TUBAL3: variants seen among roughly 807,000 people sequenced by gnomAD.
TUBAL3 encodes the protein tubulin alpha chain-like 3.
TUBAL3 carries 16 observed loss-of-function variants against 15.5 expected under a neutral mutation model. The observed-to-expected ratio is 1.04, with a 90% CI of 0.70 to 1.57. The LOEUF is 1.57. TUBAL3 is among the 40% of genes most tolerant of loss of function. The pLI, the probability that TUBAL3 is intolerant of heterozygous loss-of-function variation, is 0.00. For synonymous variants in TUBAL3, 238 were observed against 224.3 expected (o/e 1.06, Z -0.55); for missense variants, 609 against 576.2 (o/e 1.06, Z -0.58).
chr10:5,404,441 G>A (rs904325200), intron 1 of TUBAL3, among the ~76,000 whole-genome samples: 1 of 152,166 alleles, frequency 6.6e-6, no homozygotes. Context: ...ACAGCCTAAC[G>A]AAAAGTGAAG....
In TUBAL3 at chr10:5,399,591, A is replaced by G. The variant is rs1453458378; in HGVS notation, c.247+1253T>C. ...AATACAGCAGTCCGAGTTGACCAAG[A>G]CAGGCATCTTCACGTCGAAGGCAAA... On this transcript the variant is annotated intron_variant, in intron 2 of 3. Transcript: ENST00000380419. Among the ~76,000 whole-genome samples the G allele has an allele frequency of 1.1e-4, 16 of 152,206 alleles. 1 individual carries two copies. Among genetic ancestry groups the G allele is most frequent in the Admixed American group, 1.0e-3 (16 of 15,286 alleles).
In TUBAL3 at chr10:5,395,600, G is replaced by C. The variant is rs1421248916; in HGVS notation, c.248-125C>G. The C allele has an allele frequency of 5.4e-6, 6 of 1,118,290 alleles. No homozygotes were observed. In the African/African-American group the frequency reaches 9.6e-5, roughly 18 times the overall value. The allele number at this position is 1,118,290 out of a possible 1,614,324, so 69.3% of individuals were successfully genotyped here. On this transcript the variant is annotated intron_variant, in intron 2 of 3. Transcript: ENST00000380419. The surrounding 1 kb of genome is among the most constrained non-coding windows in gnomAD (Gnocchi z 4.6). ...GCTTTCTCTCAATATTGTGGTCCAG[G>C]AATGGAATTTAGATAGTGCTGAATT...
At position 5,397,327 on chromosome 10, in the gene TUBAL3, C is replaced by T. The variant is rs1239967163; in HGVS notation, c.248-1852G>A. 6.6e-6 allele frequency among the ~76,000 whole-genome samples: 1 copy of T among 152,160 alleles called. No individual in the cohort carries two copies. Among genetic ancestry groups the T allele is most frequent in the Non-Finnish European group, 1.5e-5 (1 of 68,040 alleles). On this transcript the variant is annotated intron_variant, in intron 2 of 3. Transcript: ENST00000380419. The surrounding 1 kb of genome is among the most constrained non-coding windows in gnomAD (Gnocchi z 4.9). The stretch of plus-strand genomic sequence containing the variant: ...AAATAACTTTTAACTAGCTTACACA[C>T]AAACCTCCCCCAGAGCTAGGATGTT...
Position 5,396,373 on chromosome 10 carries a change from G to A in TUBAL3, c.248-898C>T, listed in dbSNP as rs1554814166. 2.0e-5 allele frequency among the ~76,000 whole-genome samples: 3 copies of A among 152,052 alleles called. No homozygotes were observed. The highest frequency in any genetic ancestry group is 4.4e-5 in the Non-Finnish European group (3 of 68,014). On this transcript the variant is annotated intron_variant, in intron 2 of 3. Transcript: ENST00000380419. This position sits in a 1 kb window ranked among gnomAD's most constrained non-coding sequence, Gnocchi z 5.1. ...AAGTACAGAAAATTAGCCAGGCATGGTGGTGGGTGCCTGTAATCCCAGCTA... is the reference window on the plus strand; with the variant it reads ...AAGTACAGAAAATTAGCCAGGCATGATGGTGGGTGCCTGTAATCCCAGCTA...
chr10:5,398,939 G>A (rs1659802219), intron 2 of TUBAL3, among the ~76,000 whole-genome samples: 1 of 152,076 alleles, frequency 6.6e-6, no homozygotes, highest in African/African-American at 2.4e-5. Flanking sequence ...TTAAAAAATA[G>A]TCATATACTG....
At chr10:5,401,137 G>A (rs1831846015) in intron 1 of TUBAL3, 50 bp from the exon 2 acceptor site, 1 of 1,601,914 alleles carries the variant, frequency 6.2e-7, no homozygotes, top group Non-Finnish European at 8.5e-7. Flanking sequence ...TAGAAAACAG[G>A]AGATCTGTTA....
chr10:5,393,104 T>C lies in TUBAL3; in HGVS notation c.*413A>G, dbSNP rs1423899176. On this transcript the variant is annotated 3_prime_UTR_variant, in exon 4 of 4. Coordinates refer to ENST00000380419, the MANE Select transcript of TUBAL3 (RefSeq NM_024803.3). ...TTTCAAAGAAGAATAAGAATCATAC[T>C]GAAAATATTTATGATTTAATCAGTG... 1.3e-5 allele frequency: 2 copies of C among 157,616 alleles called. No individual in the cohort carries two copies. Among genetic ancestry groups the C allele is most frequent in the Non-Finnish European group, 2.8e-5 (2 of 71,938 alleles). 9.8% of individuals were successfully genotyped at this position (157,616 alleles called of 1,614,324 possible). A position where few individuals can be genotyped will look rare whatever the true frequency, so the allele number is the denominator to read the frequency against.
Position 5,393,513 on chromosome 10 carries a change from T to C in TUBAL3, c.*4A>G, listed in dbSNP as rs375080713. ...GACATTCATTTGCACCCATCATACATGCCTCAGAAACTTTGCGCCACTTCC... is the reference window on the plus strand; with the variant it reads ...GACATTCATTTGCACCCATCATACACGCCTCAGAAACTTTGCGCCACTTCC... On this transcript the variant is annotated 3_prime_UTR_variant, in exon 4 of 4. Coordinates refer to ENST00000380419, the MANE Select transcript of TUBAL3 (RefSeq NM_024803.3). The C allele has an allele frequency of 6.3e-7, 1 of 1,593,146 alleles. No individual in the cohort carries two copies. Among genetic ancestry groups the C allele is most frequent in the Non-Finnish European group, 8.5e-7 (1 of 1,169,794 alleles).
rs782780114 is a variant in TUBAL3 at position 5,394,042 on chromosome 10, T to A, written c.816A>T (p.Ile272=). 8.7e-6 allele frequency: 14 copies of A among 1,614,032 alleles called. No homozygotes were observed. Among genetic ancestry groups the A allele is most frequent in the African/African-American group, 4.0e-5 (3 of 74,904 alleles). The change falls in exon 4 of 4, where the codon ATA becomes ATT. Residue 272 remains isoleucine (I), a synonymous_variant. Coordinates refer to ENST00000380419, the MANE Select transcript of TUBAL3 (RefSeq NM_024803.3). This position sits in a 1 kb window ranked among gnomAD's most constrained non-coding sequence, Gnocchi z 4.3. ...FQTNLVPYPR[I]HFPMTAFAPI... ...GGGCGAAGGCTGTCATGGGGAAATG[T>A]ATTCTCGGATAAGGTACCAGGTTGG... is the stretch of plus-strand genomic sequence containing the variant.
chr10:5,402,458 G>A (rs1442614835), intron 1 of TUBAL3, among the ~76,000 whole-genome samples: 1 of 152,170 alleles, frequency 6.6e-6, no homozygotes, highest in African/African-American at 2.4e-5. Context: ...AGGACCCTTT[G>A]GGCTGTTTGA....
At chr10:5,398,280 C>T (rs1831795409) in intron 2 of TUBAL3, among the ~76,000 whole-genome samples, 2 of 151,898 alleles carry the variant, frequency 1.3e-5, no homozygotes, top group African/African-American at 4.8e-5. Flanking sequence ...ATTAGCAGGG[C>T]ATGGTGACAT....
intron 1 of TUBAL3, among the ~76,000 whole-genome samples, chr10:5,403,302 A>G (rs556780871): frequency 6.6e-6 from 1 of 152,350 alleles, no homozygotes; most frequent in African/African-American, 2.4e-5. Flanking sequence ...CTGCAAATAC[A>G]TCAGCTGCTG....
chr10:5,395,604 G>T lies in TUBAL3; in HGVS notation c.248-129C>A. 1.9e-6 allele frequency: 2 copies of T among 1,071,322 alleles called. No individual in the cohort carries two copies. Among genetic ancestry groups the T allele is most frequent in the South Asian group, 2.9e-5 (1 of 34,796 alleles). 66.4% of individuals were successfully genotyped at this position (1,071,322 alleles called of 1,614,324 possible). ...TCTCTCAATATTGTGGTCCAGGAAT[G>T]GAATTTAGATAGTGCTGAATTAGCC... On this transcript the variant is annotated intron_variant, in intron 2 of 3. Transcript: ENST00000380419. The surrounding 1 kb of genome is among the most constrained non-coding windows in gnomAD (Gnocchi z 4.6).
At chr10:5,404,089 AG>A (rs1413640049) in intron 1 of TUBAL3, among the ~76,000 whole-genome samples, 13 of 152,234 alleles carry the variant, frequency 8.5e-5, no homozygotes, top group African/African-American at 3.1e-4. Context: ...TCATGTTGAA[AG>A]GCATAATTTT....
At position 5,395,514 on chromosome 10, in the gene TUBAL3, T is replaced by C; in HGVS notation, c.248-39A>G. The C allele has an allele frequency of 7.2e-7, 1 of 1,395,636 alleles. No individual in the cohort carries two copies. Among genetic ancestry groups the C allele is most frequent in the Non-Finnish European group, 9.4e-7 (1 of 1,059,342 alleles). The allele number at this position is 1,395,636 out of a possible 1,614,324, so 86.5% of individuals were successfully genotyped here. A position where few individuals can be genotyped will look rare whatever the true frequency, so the allele number is the denominator to read the frequency against. On this transcript the variant is annotated intron_variant, in intron 2 of 3. Coordinates refer to ENST00000380419, the MANE Select transcript of TUBAL3 (RefSeq NM_024803.3). This position sits in a 1 kb window ranked among gnomAD's most constrained non-coding sequence, Gnocchi z 4.6. ...AAGGAGGTCAGTGCAACTCACCCAG[T>C]GCAATTCAGCCGTCCACCTGCTGCT...
rs1342811122 is a variant in TUBAL3 at position 5,396,130 on chromosome 10, C to A, written c.248-655G>T. Among the ~76,000 whole-genome samples, 2 of 152,210 alleles carry A rather than the reference C, an allele frequency of 1.3e-5. No homozygotes were observed. Among genetic ancestry groups the A allele is most frequent in the East Asian group, 3.8e-4 (2 of 5,204 alleles). On this transcript the variant is annotated intron_variant, in intron 2 of 3. Coordinates refer to ENST00000380419, the MANE Select transcript of TUBAL3 (RefSeq NM_024803.3). This position sits in a 1 kb window ranked among gnomAD's most constrained non-coding sequence, Gnocchi z 5.1. The stretch of plus-strand genomic sequence containing the variant: ...ATGAATTTGGGGGGACACACTTCAA[C>A]CCACTGCCCACCCTAGGACACATTG...
At chr10:5,398,901 CAT>C (rs1307647100) in intron 2 of TUBAL3, among the ~76,000 whole-genome samples, 1 of 152,052 alleles carries the variant, frequency 6.6e-6, no homozygotes, top group Non-Finnish European at 1.5e-5. Flanking sequence ...TAAGTTGTAT[CAT>C]ATACAATACA....
Position 5,396,926 on chromosome 10 carries a change from C to T in TUBAL3, c.248-1451G>A, listed in dbSNP as rs1297995015. On this transcript the variant is annotated intron_variant, in intron 2 of 3. Transcript: ENST00000380419. The surrounding 1 kb of genome is among the most constrained non-coding windows in gnomAD (Gnocchi z 5.1). The stretch of plus-strand genomic sequence containing the variant: ...CTGGGTTCCTATCTTGCCTTCCTCA[C>T]TAAGCTAGAGAGAAGTTACTTAGTC... Among the ~76,000 whole-genome samples, 2 of 152,204 alleles carry T rather than the reference C, an allele frequency of 1.3e-5. No homozygotes were observed. Among genetic ancestry groups the T allele is most frequent in the South Asian group, 2.1e-4 (1 of 4,830 alleles).
intron 1 of TUBAL3, among the ~76,000 whole-genome samples, chr10:5,403,606 T>C (rs1831888597): frequency 1.3e-5 from 2 of 152,140 alleles, no homozygotes; most frequent in Non-Finnish European, 2.9e-5. Context: ...AGCAGAGTGA[T>C]GCTGTTCTTT....
Sources: gnomAD v4.1 joint callset for allele counts (sites outside exome capture counted in the v4.1 genomes callset) on GRCh38, gnomAD v4.1.1 for gene constraint, Gnocchi (gnomAD v3.1) non-coding constraint, MANE v1.5 for transcripts, NCBI Gene and HGNC (gene_info 2026-07-23, HGNC 2026-07-21) for gene names.